Variants in SHC4 observed in about 807,000 individuals in gnomAD.
SHC4 encodes the protein SHC-transforming protein 4.
Under a neutral mutation model 69.4 loss-of-function variants are expected in SHC4, and 41 were observed. The ratio of observed to expected loss-of-function variants is 0.59; its 90% confidence interval spans 0.46 to 0.77. The LOEUF is 0.77. Ranked by LOEUF, SHC4 falls within the 30% of genes least tolerant of loss-of-function variation. The pLI, the probability that SHC4 is intolerant of heterozygous loss-of-function variation, is 0.00. For synonymous variants in SHC4, 318 were observed against 299.3 expected (o/e 1.06, Z -0.64); for missense variants, 777 against 783.8 (o/e 0.99, Z 0.10).
intron 1 of SHC4, among the ~76,000 whole-genome samples, chr15:48,960,622 C>T (rs1225391077): frequency 6.6e-6 from 1 of 152,134 alleles, no homozygotes; most frequent in Admixed American, 6.5e-5. Flanking sequence ...CCCTGAGATC[C>T]TAATTGTCTG....
chr15:48,909,464 T>C (rs1900469006), intron 2 of SHC4, among the ~76,000 whole-genome samples: 1 of 152,172 alleles, frequency 6.6e-6, no homozygotes, highest in African/African-American at 2.4e-5. Context: ...CTTTAAGGTT[T>C]TCAAGGTAAA....
At chr15:48,856,274 G>C in intron 7 of SHC4, 150 bp from the exon 8 acceptor site, 1 of 714,706 alleles carries the variant, frequency 1.4e-6, no homozygotes, top group Non-Finnish European at 2.2e-6. Context: ...TTAAACATTT[G>C]GATGGGAGCA....
intron 3 of SHC4, among the ~76,000 whole-genome samples, chr15:48,886,305 GTC>G (rs1449921043): frequency 3.3e-5 from 5 of 151,992 alleles, no homozygotes; most frequent in Non-Finnish European, 7.4e-5. Context: ...TTATAACACT[GTC>G]TCACAGTCGA....
intron 6 of SHC4, among the ~76,000 whole-genome samples, chr15:48,865,853 G>A (rs1899549336): frequency 6.6e-6 from 1 of 152,158 alleles, no homozygotes; most frequent in Non-Finnish European, 1.5e-5. Flanking sequence ...TCAGGCACCA[G>A]AACAGGGGCT....
chr15:48,947,788 G>A (rs1395947740), intron 1 of SHC4: 1 of 152,114 alleles, frequency 6.6e-6, no homozygotes, highest in African/African-American at 2.4e-5. Flanking sequence ...ACCTGCTTTT[G>A]TAACACCCTT....
intron 1 of SHC4, among the ~76,000 whole-genome samples, chr15:48,954,350 C>T (rs1000384992): frequency 3.3e-5 from 5 of 152,296 alleles, no homozygotes; most frequent in South Asian, 4.1e-4. Flanking sequence ...TCTTCTCTGC[C>T]GCAGAATCAC....
chr15:48,883,720 C>G (rs1488862840), intron 4 of SHC4, among the ~76,000 whole-genome samples: 1 of 152,160 alleles, frequency 6.6e-6, no homozygotes, highest in African/African-American at 2.4e-5. Flanking sequence ...CACCACAGTA[C>G]CATAAATTAT....
intron 10 of SHC4, among the ~76,000 whole-genome samples, chr15:48,841,389 C>T (rs1003693849): frequency 6.6e-6 from 1 of 152,192 alleles, no homozygotes; most frequent in Admixed American, 6.5e-5. Context: ...TCTCATCACC[C>T]GTCACATAAG....
chr15:48,910,531 T>C (rs955491803), intron 2 of SHC4, among the ~76,000 whole-genome samples: 2 of 152,078 alleles, frequency 1.3e-5, no homozygotes, highest in African/African-American at 4.8e-5. Context: ...ATCTTTTGTA[T>C]TGGTTTTTTT....
In SHC4 at chr15:48,963,120, G is replaced by C; in HGVS notation, c.-105C>G. 8.3e-7 allele frequency: 1 copy of C among 1,206,622 alleles called. No individual in the cohort carries two copies. The allele number at this position is 1,206,622 out of a possible 1,614,324, so 74.7% of individuals were successfully genotyped here. A position where few individuals can be genotyped will look rare whatever the true frequency, so the allele number is the denominator to read the frequency against. On this transcript the variant is annotated 5_prime_UTR_variant, in exon 1 of 12. Transcript: ENST00000332408. ...ACCTCAACGCCCGATGCAACTCACA[G>C]CAGCCACCTCTCCAACTCTGCTCTC... is the stretch of plus-strand genomic sequence containing the variant.
intron 5 of SHC4, among the ~76,000 whole-genome samples, chr15:48,870,371 T>C (rs1364481905): frequency 6.6e-6 from 1 of 152,174 alleles, no homozygotes; most frequent in Admixed American, 6.5e-5. Flanking sequence ...ATGTCCCTTG[T>C]TTGCTAATGG....
At chr15:48,851,998 T>C (rs1899223261) in intron 8 of SHC4, among the ~76,000 whole-genome samples, 1 of 152,034 alleles carries the variant, frequency 6.6e-6, no homozygotes, top group Non-Finnish European at 1.5e-5. Flanking sequence ...GCCCAAAGTG[T>C]GAGAAAAACA....
At chr15:48,959,809 T>G (rs1901511692) in intron 1 of SHC4, among the ~76,000 whole-genome samples, 1 of 152,234 alleles carries the variant, frequency 6.6e-6, no homozygotes. Flanking sequence ...AAAAGAATTC[T>G]GAGGAACAGA....
rs1898653121 is a variant in SHC4 at position 48,824,709 on chromosome 15, T to G, written c.*1262A>C. ...GAAAAACTTGCTTTTTAGAGACTCA[T>G]ACTATAAGTTAGGACTGAAGTAGTC... On this transcript the variant is annotated 3_prime_UTR_variant, in exon 12 of 12. Transcript: ENST00000332408. 1 of 152,368 alleles carries G rather than the reference T, an allele frequency of 6.6e-6. No homozygotes were observed. The highest frequency in any genetic ancestry group is 2.4e-5 in the African/African-American group (1 of 41,468). 9.4% of individuals were successfully genotyped at this position (152,368 alleles called of 1,614,324 possible). A position where few individuals can be genotyped will look rare whatever the true frequency, so the allele number is the denominator to read the frequency against.
chr15:48,958,378 C>A (rs1901488108), intron 1 of SHC4, among the ~76,000 whole-genome samples: 1 of 152,178 alleles, frequency 6.6e-6, no homozygotes, highest in Non-Finnish European at 1.5e-5. Flanking sequence ...TAGGAATCCT[C>A]AGTCTGCTAC....
Position 48,843,427 on chromosome 15 carries a change from T to TC in SHC4, c.1464dup (p.Ser489GlufsTer30). On this transcript the variant is annotated frameshift_variant, in exon 10 of 12. Transcript: ENST00000332408. LOFTEE classifies it high-confidence loss of function. ...TACTTACTTCCGCAGTGCCATGGGC[T>TC]CCCCAGTGGTTGGGCTGACCTTTGA... 6.2e-7 allele frequency: 1 copy of TC among 1,612,880 alleles called. No individual in the cohort carries two copies. Among genetic ancestry groups the TC allele is most frequent in the Non-Finnish European group, 8.5e-7 (1 of 1,179,206 alleles).
At chr15:48,844,681 G>C (rs1396591653) in intron 9 of SHC4, among the ~76,000 whole-genome samples, 1 of 152,210 alleles carries the variant, frequency 6.6e-6, no homozygotes, top group African/African-American at 2.4e-5. Context: ...TAATCCTCAT[G>C]TGTCAAGGGC....
chr15:48,950,322 G>C (rs75434614), intron 1 of SHC4, among the ~76,000 whole-genome samples: 1 of 150,114 alleles, frequency 6.7e-6, no homozygotes, highest in African/African-American at 2.4e-5. Context: ...CCGATCATTA[G>C]GGACCATCTC....
rs376214642 is a variant in SHC4 at position 48,874,174 on chromosome 15, A to T, written c.841-2032T>A. Among the ~76,000 whole-genome samples the T allele has an allele frequency of 1.9e-4, 29 of 152,356 alleles. No homozygotes were observed. In the East Asian group the frequency reaches 2.9e-3, roughly 15 times the overall value. On this transcript the variant is annotated intron_variant, in intron 4 of 11. Coordinates refer to ENST00000332408, the MANE Select transcript of SHC4 (RefSeq NM_203349.4). Reference sequence around the variant, plus strand: ...AAGAGTTAGCGCAGTTTTTTAAAGAACAAAGACAAAATATTCCTGATCAAA... The same window carrying T: ...AAGAGTTAGCGCAGTTTTTTAAAGATCAAAGACAAAATATTCCTGATCAAA...
Sources: allele counts gnomAD v4.1 joint callset (sites outside exome capture counted in the v4.1 genomes callset), GRCh38; gene constraint gnomAD v4.1.1; transcripts MANE v1.5; gene names NCBI Gene and HGNC (gene_info 2026-07-23, HGNC 2026-07-21).